WFDC1: variants seen among roughly 807,000 people sequenced by gnomAD.
WFDC1 encodes the protein WAP four-disulfide core domain protein 1.
Under a neutral mutation model 32.9 loss-of-function variants are expected in WFDC1, and 39 were observed. That is an observed-to-expected ratio of 1.19 (90% CI 0.92 to 1.55). The LOEUF is 1.55. Ranked by LOEUF, WFDC1 falls within the 40% of genes most tolerant of loss-of-function variation. The pLI is 0.00. For missense variants in WFDC1, 386 were observed against 309.5 expected, an observed-to-expected ratio of 1.25 and a Z score of -1.85; for synonymous variants, 184 against 137.4, an observed-to-expected ratio of 1.34 and a Z score of -2.37.
chr16:84,308,626 AGTGTAGATGCCCGCCTGG>A (rs1283108044), intron 1 of WFDC1, among the ~76,000 whole-genome samples: 1 of 151,894 alleles, frequency 6.6e-6, no homozygotes, highest in Non-Finnish European at 1.5e-5. Context: ...TGCCAGCCTG[AGTGTAGATGCCCGCCTGG>A]GTGTACACTC....
At chr16:84,308,859 G>C (rs1285780825) in intron 1 of WFDC1, among the ~76,000 whole-genome samples, 1 of 151,742 alleles carries the variant, frequency 6.6e-6, no homozygotes, top group African/African-American at 2.4e-5. Flanking sequence ...ATGCCAGCCT[G>C]GGTGTAGACG....
chr16:84,318,232 T>A (rs765016630), intron 2 of WFDC1, 40 bp from the exon 3 acceptor site: 1 of 1,607,670 alleles, frequency 6.2e-7, no homozygotes, highest in Non-Finnish European at 8.5e-7. Flanking sequence ...GTTTCTCAGC[T>A]GCTTGAGGAG....
At chr16:84,313,573 C>T (rs999728787) in intron 2 of WFDC1, among the ~76,000 whole-genome samples, 8 of 152,196 alleles carry the variant, frequency 5.3e-5, no homozygotes, top group African/African-American at 1.4e-4. Context: ...GGACCATGTT[C>T]CCTGGGCTGC....
Position 84,324,480 on chromosome 16 carries a change from T to C in WFDC1, c.604+20T>C, listed in dbSNP as rs1170177766. The stretch of plus-strand genomic sequence containing the variant: ...ATCCAGGTAAAAGAAGAAACTGTTC[T>C]TTCTTTCCAGAGGGCACAAAAAAAA... On this transcript the variant is annotated intron_variant, in intron 5 of 6. Transcript: ENST00000219454. 1 of 1,610,850 alleles carries C rather than the reference T, an allele frequency of 6.2e-7. No homozygotes were observed. Among genetic ancestry groups the C allele is most frequent in the African/African-American group, 1.3e-5 (1 of 74,854 alleles).
rs1196373925 is a variant in WFDC1, at chr16:84,297,643, A to ATAG, written c.144+2528_144+2529insTAG. ...AAAAAAAAAAAAAAAAAAAAAAAAA[A>ATAG]AAAACTGTGCCTCAGAGAAAGCCCT... On this transcript the variant is annotated intron_variant, in intron 1 of 6. Coordinates refer to ENST00000219454, the MANE Select transcript of WFDC1 (RefSeq NM_021197.4). 1.1e-3 allele frequency among the ~76,000 whole-genome samples: 135 copies of ATAG among 125,506 alleles called. No individual in the cohort carries two copies. The Middle Eastern group carries it at 0.018, about 17-fold the overall frequency. 82.3% of individuals were successfully genotyped at this position (125,506 alleles called of 152,430 possible).
At chr16:84,324,719 A>G (rs903278411) in intron 5 of WFDC1, among the ~76,000 whole-genome samples, 1 of 152,170 alleles carries the variant, frequency 6.6e-6, no homozygotes, top group Non-Finnish European at 1.5e-5. Flanking sequence ...TGCTACTTTC[A>G]TTCAGAGAAT....
intron 1 of WFDC1, among the ~76,000 whole-genome samples, chr16:84,311,650 T>A (rs1272651325): frequency 7.6e-6 from 1 of 131,212 alleles, no homozygotes; most frequent in Non-Finnish European, 1.6e-5. Flanking sequence ...CGCCTCAGCC[T>A]CCCAAGTACC....
In WFDC1 at chr16:84,324,406, A is replaced by G. The variant is rs778038927; in HGVS notation, c.563-13A>G. 1 of 1,613,094 alleles carries G rather than the reference A, an allele frequency of 6.2e-7. No individual in the cohort carries two copies. The highest frequency in any genetic ancestry group is 1.1e-5 in the South Asian group (1 of 90,658). On this transcript the variant is annotated splice_polypyrimidine_tract_variant and intron_variant, in intron 4 of 6. Transcript: ENST00000219454. Reference sequence around the variant, plus strand: ...CTCCTAAAAGAAGTTTTTTCCTCTCACTTGTTTTCCAGATGGGCGAATCCT... The same window carrying G: ...CTCCTAAAAGAAGTTTTTTCCTCTCGCTTGTTTTCCAGATGGGCGAATCCT...
chr16:84,321,374 A>T (rs986846716), intron 4 of WFDC1, among the ~76,000 whole-genome samples: 1 of 152,102 alleles, frequency 6.6e-6, no homozygotes, highest in African/African-American at 2.4e-5. Flanking sequence ...GGTCCTTTGG[A>T]GGTAAAACCG....
At chr16:84,310,167 G>A (rs111573722) in intron 1 of WFDC1, among the ~76,000 whole-genome samples, 33 of 152,026 alleles carry the variant, frequency 2.2e-4, no homozygotes, top group African/African-American at 6.5e-4. Flanking sequence ...TTAAGACACC[G>A]AGAAAGAGTG....
chr16:84,297,764 C>T lies in WFDC1; in HGVS notation c.144+2649C>T, dbSNP rs1005957856. The stretch of plus-strand genomic sequence containing the variant: ...TTATCACAGTGAAATCTCTAATGTG[C>T]TGTGCAATCTTGGACCACTCGCTGC... On this transcript the variant is annotated intron_variant, in intron 1 of 6. Coordinates refer to ENST00000219454, the MANE Select transcript of WFDC1 (RefSeq NM_021197.4). 3.3e-5 allele frequency among the ~76,000 whole-genome samples: 5 copies of T among 152,182 alleles called. No individual in the cohort carries two copies. In the East Asian group the frequency reaches 7.7e-4, roughly 24 times the overall value.
chr16:84,316,100 T>C (rs951070643), intron 2 of WFDC1: 1 of 152,166 alleles, frequency 6.6e-6, no homozygotes, highest in East Asian at 1.9e-4. Context: ...CACCTGAAAA[T>C]GTTTCCTAAC....
intron 3 of WFDC1, 54 bp downstream of exon 3, chr16:84,318,409 C>G: frequency 1.9e-6 from 3 of 1,567,126 alleles, no homozygotes; most frequent in African/African-American, 1.3e-5. Flanking sequence ...CCCTCCTTCT[C>G]AGCTGCTTCC....
At chr16:84,299,197 C>G (rs1906786074) in intron 1 of WFDC1, among the ~76,000 whole-genome samples, 2 of 151,246 alleles carry the variant, frequency 1.3e-5, no homozygotes, top group Admixed American at 1.3e-4. Context: ...CCCGTCTGTA[C>G]TAAAAATACA....
chr16:84,297,617 CAAA>C (rs150683526), intron 1 of WFDC1, among the ~76,000 whole-genome samples: 23 of 69,454 alleles, frequency 3.3e-4, no homozygotes, highest in African/African-American at 1.1e-3. Flanking sequence ...AACTCTGTCT[CAAA>C]AAAAAAAAAA....
chr16:84,312,088 C>A (rs1357391875), intron 1 of WFDC1, among the ~76,000 whole-genome samples: 2 of 152,112 alleles, frequency 1.3e-5, no homozygotes, highest in Admixed American at 1.3e-4. Context: ...TCGCTTGAAC[C>A]CAGGAGGTGG....
intron 4 of WFDC1, among the ~76,000 whole-genome samples, chr16:84,320,052 C>T (rs930383278): frequency 2.6e-5 from 4 of 152,196 alleles, no homozygotes; most frequent in South Asian, 2.1e-4. Flanking sequence ...TTAGACTTTA[C>T]GCTGGTGCAG....
chr16:84,313,262 G>GGA (rs1814716836), intron 2 of WFDC1, 109 bp downstream of exon 2: 1 of 1,092,530 alleles, frequency 9.2e-7, no homozygotes, highest in African/African-American at 1.7e-5. Flanking sequence ...CACCTGGGCG[G>GGA]GTCTCGGGCG....
chr16:84,311,044 G>A (rs1411487695), intron 1 of WFDC1, among the ~76,000 whole-genome samples: 1 of 152,152 alleles, frequency 6.6e-6, no homozygotes, highest in Non-Finnish European at 1.5e-5. Flanking sequence ...CTAACTCTGT[G>A]TGTGTGTGCA....
Sources: allele counts gnomAD v4.1 joint callset (sites outside exome capture counted in the v4.1 genomes callset), GRCh38; gene constraint gnomAD v4.1.1; transcripts MANE v1.5; gene names NCBI Gene and HGNC (gene_info 2026-07-23, HGNC 2026-07-21).